The following IZUMO1 variants were observed in gnomAD, a reference collection of about 807,000 sequenced individuals.
IZUMO1 encodes the protein izumo sperm-oocyte fusion 1.
In IZUMO1, 44 loss-of-function variants were observed where a neutral mutation model predicts 40.7. That is an observed-to-expected ratio of 1.08 (90% CI 0.85 to 1.39). The LOEUF (loss-of-function observed/expected upper bound fraction) is 1.39, where lower values mean the gene tolerates loss of function less well. IZUMO1 is among the 40% of genes most tolerant of loss of function. The probability of loss-of-function intolerance (pLI) is 0.00; values close to 1 mark genes in which losing one functional copy is unlikely to be tolerated. For synonymous variants in IZUMO1, 149 were observed against 170.9 expected (o/e 0.87, Z 1.00); for missense variants, 368 against 436.9 (o/e 0.84, Z 1.41).
intron 3 of IZUMO1, 41 bp downstream of exon 3, chr19:48,745,173 C>G (rs757196781): frequency 1.3e-6 from 2 of 1,542,930 alleles, no homozygotes; most frequent in South Asian, 2.2e-5. Context: ...ACGCTGGCTT[C>G]TCTGAGAGAT....
Position 48,744,215 on chromosome 19 carries a change from AAG to A in IZUMO1, c.398-22_398-21del. On this transcript the variant is annotated intron_variant, in intron 4 of 9. Transcript: ENST00000332955. Reference sequence around the variant, plus strand: ...AATAAGCTGTGTCAAAAGAGAAAAAAAGAGAGCAAGAAAGAGATGACAGAGTC... The same window carrying A: ...AATAAGCTGTGTCAAAAGAGAAAAAAAGAGCAAGAAAGAGATGACAGAGTC... The A allele has an allele frequency of 1.2e-6, 2 of 1,611,310 alleles. No homozygotes were observed. The highest frequency in any genetic ancestry group is 3.3e-5 in the Admixed American group (2 of 60,014).
chr19:48,741,277 T>C lies in IZUMO1; in HGVS notation c.932+24A>G, dbSNP rs1328128335. 2 of 1,564,978 alleles carry C rather than the reference T, an allele frequency of 1.3e-6. No homozygotes were observed. The highest frequency in any genetic ancestry group is 3.6e-5 in the Admixed American group (2 of 55,210). ...CCCGCCCCTTACTCCAAGCCAAGCC[T>C]GTCTTCTTCAATGGGTTGCTTACGC... is the stretch of plus-strand genomic sequence containing the variant. On this transcript the variant is annotated intron_variant, in intron 9 of 9. Coordinates refer to ENST00000332955, the MANE Select transcript of IZUMO1 (RefSeq NM_182575.3). This position sits in a 1 kb window ranked among gnomAD's most constrained non-coding sequence, Gnocchi z 4.4.
Position 48,744,201 on chromosome 19 carries a change from T to A in IZUMO1, c.398-6A>T, listed in dbSNP as rs765894584. 27 of 1,612,834 alleles carry A rather than the reference T, an allele frequency of 1.7e-5. No homozygotes were observed. The highest frequency in any genetic ancestry group is 1.7e-4 in the Middle Eastern group (1 of 6,058). The stretch of plus-strand genomic sequence containing the variant: ...ACATTTGTTGGGACAATAAGCTGTG[T>A]CAAAAGAGAAAAAAAGAGAGCAAGA... On this transcript the variant is annotated splice_region_variant and splice_polypyrimidine_tract_variant and intron_variant, in intron 4 of 9. Transcript: ENST00000332955.
At position 48,744,488 on chromosome 19, in the gene IZUMO1, G is replaced by T; in HGVS notation, c.362C>A (p.Thr121Asn). The change falls in exon 4 of 10, where the codon ACC becomes AAC. Residue 121 changes from threonine to asparagine, a missense_variant. Physicochemically the swap from Thr to Asn is moderately conservative, Grantham distance 65. Coordinates refer to ENST00000332955, the MANE Select transcript of IZUMO1 (RefSeq NM_182575.3). ...GAATCGAGCAACATAGGTGGCAAAG[G>T]TTTCCTTTTGCAAGTGCAACATCCA... ...LFWMLHLQKETFATYVARFQK... is the reference protein window; with the variant it reads ...LFWMLHLQKENFATYVARFQK... The T allele has an allele frequency of 1.9e-6, 3 of 1,614,052 alleles. No homozygotes were observed. The South Asian group carries it at 3.3e-5, about 18-fold the overall frequency.
intron 2 of IZUMO1, 24 bp from the exon 3 acceptor site, chr19:48,745,312 G>A: frequency 6.2e-7 from 1 of 1,600,544 alleles, no homozygotes; most frequent in South Asian, 1.1e-5. Flanking sequence ...TATAACCCCA[G>A]ATTCCAGCCT....
Position 48,746,654 on chromosome 19 carries a change from A to G in IZUMO1, c.-293T>C. On this transcript the variant is annotated 5_prime_UTR_variant, in exon 1 of 10. Transcript: ENST00000332955. ...TGGTTCCCGATTTGTGGCCTCTAAC[A>G]CTAGGGTTCATTGAGGAGCCCGGTC... 1.0e-6 allele frequency: 1 copy of G among 985,364 alleles called. No homozygotes were observed. The allele number at this position is 985,364 out of a possible 1,614,324, so 61.0% of individuals were successfully genotyped here.
intron 2 of IZUMO1, 47 bp downstream of exon 2, chr19:48,745,578 C>T: frequency 1.2e-6 from 2 of 1,607,960 alleles, no homozygotes; most frequent in East Asian, 2.2e-5. Flanking sequence ...GGTCTTATCT[C>T]CCTCCTTTCC....
In IZUMO1 at chr19:48,744,471, C is replaced by G. The variant is rs1474863628; in HGVS notation, c.379G>C (p.Ala127Pro). Residue 127 changes from alanine (A) to proline (P), a missense_variant, in exon 4 of 10, where the codon GCT becomes CCT. Transcript: ENST00000332955. ...CTCTCACCCTCTTTTTGGAATCGAG[C>G]AACATAGGTGGCAAAGGTTTCCTTT... is the stretch of plus-strand genomic sequence containing the variant. ...LQKETFATYV[A>P]RFQKEAYCPN... The G allele has an allele frequency of 9.9e-6, 16 of 1,613,450 alleles. No homozygotes were observed. The highest frequency in any genetic ancestry group is 1.3e-5 in the African/African-American group (1 of 74,892).
chr19:48,741,700 GC>G lies in IZUMO1; in HGVS notation c.754+88del. The G allele has an allele frequency of 7.0e-7, 1 of 1,431,492 alleles. No homozygotes were observed. The highest frequency in any genetic ancestry group is 9.3e-7 in the Non-Finnish European group (1 of 1,073,168). 88.7% of individuals were successfully genotyped at this position (1,431,492 alleles called of 1,614,324 possible). A position where few individuals can be genotyped will look rare whatever the true frequency, so the allele number is the denominator to read the frequency against. On this transcript the variant is annotated intron_variant, in intron 8 of 9. Coordinates refer to ENST00000332955, the MANE Select transcript of IZUMO1 (RefSeq NM_182575.3). The surrounding 1 kb of genome is among the most constrained non-coding windows in gnomAD (Gnocchi z 4.4). The stretch of plus-strand genomic sequence containing the variant: ...GAAACCACACCCAACAGGAAGTCAC[GC>G]CCCCATCGCCAAGGCCACGCCCCCG...
At position 48,741,107 on chromosome 19, in the gene IZUMO1, C is replaced by A. The variant is rs1318521732; in HGVS notation, c.933-79G>T. 2.5e-6 allele frequency: 4 copies of A among 1,582,976 alleles called. No homozygotes were observed. In the African/African-American group the frequency reaches 5.4e-5, roughly 21 times the overall value. On this transcript the variant is annotated intron_variant, in intron 9 of 9. Coordinates refer to ENST00000332955, the MANE Select transcript of IZUMO1 (RefSeq NM_182575.3). This position sits in a 1 kb window ranked among gnomAD's most constrained non-coding sequence, Gnocchi z 4.4. ...TGGGGGACACCCCTCCCAACCTCCC[C>A]CTTTGTGACCTTATTCTAGCAATTA...
At position 48,745,949 on chromosome 19, in the gene IZUMO1, C is replaced by A; in HGVS notation, c.-73-17G>T. On this transcript the variant is annotated splice_polypyrimidine_tract_variant and intron_variant, in intron 1 of 9. Transcript: ENST00000332955. ...AGGAGAACGCTAAACGGAGAAAAGC[C>A]AAAATCCATCTTAAGAAATCCCACT... The A allele has an allele frequency of 6.4e-7, 1 of 1,558,292 alleles. No homozygotes were observed. The highest frequency in any genetic ancestry group is 8.7e-7 in the Non-Finnish European group (1 of 1,150,322).
chr19:48,742,027 G>A, intron 7 of IZUMO1, 85 bp from the exon 8 acceptor site: 3 of 1,538,436 alleles, frequency 2.0e-6, no homozygotes, highest in South Asian at 2.5e-5. Context: ...CAGGGCCTCA[G>A]TGTGGGAGGT....
chr19:48,743,883 CAG>C (rs931244505), intron 5 of IZUMO1: 22 of 478,492 alleles, frequency 4.6e-5, no homozygotes, highest in African/African-American at 3.9e-4. Context: ...CCCAGCTACT[CAG>C]GGGGCTGAGG....
Position 48,745,904 on chromosome 19 carries a change from T to G in IZUMO1, c.-45A>C. On this transcript the variant is annotated 5_prime_UTR_variant, in exon 2 of 10. Transcript: ENST00000332955. ...TCCCGAAGACCGTTAGGAAGGGTGC[T>G]CTCACCCCAAACCGAGAGCAGGAGA... is the stretch of plus-strand genomic sequence containing the variant. 1 of 1,608,362 alleles carries G rather than the reference T, an allele frequency of 6.2e-7. No homozygotes were observed. Among genetic ancestry groups the G allele is most frequent in the Non-Finnish European group, 8.5e-7 (1 of 1,175,782 alleles).
chr19:48,745,450 T>A (rs778810242), intron 2 of IZUMO1, 162 bp from the exon 3 acceptor site: 7 of 1,019,646 alleles, frequency 6.9e-6, no homozygotes, highest in South Asian at 6.2e-5. Flanking sequence ...TACATAAAAT[T>A]GCCAGCCGAG....
At position 48,746,578 on chromosome 19, in the gene IZUMO1, C is replaced by A. The variant is rs2033891180; in HGVS notation, c.-217G>T. 2 of 985,622 alleles carry A rather than the reference C, an allele frequency of 2.0e-6. No homozygotes were observed. 61.1% of individuals were successfully genotyped at this position (985,622 alleles called of 1,614,324 possible). On this transcript the variant is annotated 5_prime_UTR_variant, in exon 1 of 10. Transcript: ENST00000332955. ...GCACCCTTCCGCTTAGAAAAAGGAG[C>A]CCCGATGCATCCTGAACAGTGATGC...
In IZUMO1 at chr19:48,740,921, G is replaced by A. The variant is rs146618238; in HGVS notation, c.1040C>T (p.Ser347Leu). 1.1e-5 allele frequency: 17 copies of A among 1,614,060 alleles called. No homozygotes were observed. In the African/African-American group the frequency reaches 1.5e-4, roughly 14 times the overall value. ...TQVPKEKATD[S>L]RQQ is the part of the protein sequence containing the mutation. ...CAAGATAAATCTTTATTGTTGCCTC[G>A]AATCTGTGGCCTTTTCTTTTGGGAC... Residue 347 changes from serine to leucine, a missense_variant, in exon 10 of 10, where the codon TCG becomes TTG. Coordinates refer to ENST00000332955, the MANE Select transcript of IZUMO1 (RefSeq NM_182575.3). The surrounding 1 kb of genome is among the most constrained non-coding windows in gnomAD (Gnocchi z 5.5).
Position 48,741,315 on chromosome 19 carries a change from G to C in IZUMO1, c.918C>G (p.Thr306=). ...LLICGSLALI[T]GLTFAIFRRR... is the part of the protein sequence containing the mutation. ...GGGTTGCTTACGCAAAGGTAAGGCC[G>C]GTTATCAGTGCTAGGGAGCCGCAGA... The change falls in exon 9 of 10, where the codon ACC becomes ACG. Residue 306 remains threonine (T), a synonymous_variant. Coordinates refer to ENST00000332955, the MANE Select transcript of IZUMO1 (RefSeq NM_182575.3). The surrounding 1 kb of genome is among the most constrained non-coding windows in gnomAD (Gnocchi z 4.4). 1 of 1,601,794 alleles carries C rather than the reference G, an allele frequency of 6.2e-7. No individual in the cohort carries two copies. The highest frequency in any genetic ancestry group is 8.5e-7 in the Non-Finnish European group (1 of 1,175,418).
chr19:48,743,988 CAA>C (rs1402185835), intron 5 of IZUMO1, 185 bp downstream of exon 5: 2 of 639,346 alleles, frequency 3.1e-6, no homozygotes, highest in Non-Finnish European at 5.6e-6. Flanking sequence ...GAGACTGTCT[CAA>C]AAAAAAGAGT....
Sources: gnomAD v4.1 joint callset for allele counts on GRCh38, gnomAD v4.1.1 for gene constraint, Gnocchi (gnomAD v3.1) non-coding constraint, MANE v1.5 for transcripts, NCBI Gene and HGNC (gene_info 2026-07-23, HGNC 2026-07-21) for gene names.